C8orf34: variants seen among roughly 807,000 people sequenced by gnomAD.
The protein encoded by C8orf34 is uncharacterized protein C8orf34.
C8orf34 carries 65 observed loss-of-function variants against 68.3 expected under a neutral mutation model. The ratio of observed to expected loss-of-function variants is 0.95; its 90% confidence interval spans 0.78 to 1.17. C8orf34 has a LOEUF of 1.17. Ranked by LOEUF, C8orf34 falls within the 50% of genes most tolerant of loss-of-function variation. C8orf34 has a pLI of 0.00. For missense variants in C8orf34, 664 were observed against 655.4 expected, an observed-to-expected ratio of 1.01 and a Z score of -0.14; for synonymous variants, 244 against 241.2, an observed-to-expected ratio of 1.01 and a Z score of -0.11.
intron 7 of C8orf34, among the ~76,000 whole-genome samples, chr8:68,539,866 A>G (rs1563518392): frequency 1.3e-5 from 2 of 152,158 alleles, no homozygotes; most frequent in Non-Finnish European, 2.9e-5. Context: ...AAAAAAAAAA[A>G]TTATTGAAGT....
intron 10 of C8orf34, among the ~76,000 whole-genome samples, chr8:68,758,442 C>T (rs1021004455): frequency 2.0e-5 from 3 of 152,112 alleles, no homozygotes; most frequent in African/African-American, 4.8e-5. Context: ...AAGGTCAAGC[C>T]GTACTCCTTA....
At chr8:68,412,432 T>C (rs982971310) in intron 1 of C8orf34, among the ~76,000 whole-genome samples, 1 of 152,188 alleles carries the variant, frequency 6.6e-6, no homozygotes, top group African/African-American at 2.4e-5. Context: ...AGAGATATTT[T>C]AAAAATAGAC....
intron 12 of C8orf34, among the ~76,000 whole-genome samples, chr8:68,788,227 A>G (rs527602207): frequency 6.0e-4 from 92 of 152,320 alleles, no homozygotes; most frequent in African/African-American, 1.9e-3. Flanking sequence ...AGCCCTCATG[A>G]TAATTGGTGT....
chr8:68,558,881 A>G (rs1816336549), intron 7 of C8orf34, among the ~76,000 whole-genome samples: 1 of 152,176 alleles, frequency 6.6e-6, no homozygotes, highest in Non-Finnish European at 1.5e-5. Flanking sequence ...AAAAAACCGA[A>G]TACAAATCCA....
intron 7 of C8orf34, among the ~76,000 whole-genome samples, chr8:68,626,745 G>A (rs769711385): frequency 5.9e-5 from 9 of 152,128 alleles, no homozygotes; most frequent in Non-Finnish European, 8.8e-5. Context: ...GGCTGTAGAA[G>A]TGTAAAAATT....
intron 8 of C8orf34, among the ~76,000 whole-genome samples, chr8:68,689,082 C>T (rs970912468): frequency 2.0e-5 from 3 of 152,010 alleles, no homozygotes; most frequent in Non-Finnish European, 4.4e-5. Context: ...AATGGAATAA[C>T]GTCTTTTGCA....
intron 10 of C8orf34, among the ~76,000 whole-genome samples, chr8:68,745,871 T>G (rs1234408746): frequency 1.3e-5 from 2 of 152,156 alleles, no homozygotes; most frequent in Non-Finnish European, 2.9e-5. Flanking sequence ...AACTCAGGTC[T>G]GCACCAAGTG....
chr8:68,396,131 CA>C (rs1359253774), intron 1 of C8orf34, among the ~76,000 whole-genome samples: 1 of 151,846 alleles, frequency 6.6e-6, no homozygotes, highest in African/African-American at 2.4e-5. Context: ...ATTTTTTTCT[CA>C]ACCCCTGCAC....
In C8orf34 at chr8:68,815,893, T is replaced by G. The variant is rs1824797352; in HGVS notation, c.1557T>G (p.Ala519=). 1 of 1,613,752 alleles carries G rather than the reference T, an allele frequency of 6.2e-7. No homozygotes were observed. The highest frequency in any genetic ancestry group is 1.1e-5 in the South Asian group (1 of 91,082). The part of the protein sequence containing the change: ...GVEAEQEKRS[A]DLLLCVPCSS... ...GTTTCTTTTGTTGTGCAGGTTCCGC[T>G]GATCTTCTTCTTTGCGTTCCATGCT... is the stretch of plus-strand genomic sequence containing the variant. The change falls in exon 13 of 14, where the codon GCT becomes GCG. Residue 519 remains alanine (A), a synonymous_variant. Coordinates refer to ENST00000518698, the MANE Select transcript of C8orf34 (RefSeq NM_052958.4).
At chr8:68,421,584 C>T (rs1809973935) in intron 1 of C8orf34, among the ~76,000 whole-genome samples, 1 of 152,108 alleles carries the variant, frequency 6.6e-6, no homozygotes, top group Non-Finnish European at 1.5e-5. Context: ...ATCATAAAAA[C>T]CCTAGGCTAC....
At chr8:68,598,512 A>G (rs746373837) in intron 7 of C8orf34, among the ~76,000 whole-genome samples, 7 of 152,150 alleles carry the variant, frequency 4.6e-5, no homozygotes, top group Non-Finnish European at 7.4e-5. Flanking sequence ...GGAGACAGAA[A>G]TCTGGATCAT....
At chr8:68,496,335 T>C (rs1157150696) in intron 5 of C8orf34, among the ~76,000 whole-genome samples, 1 of 152,212 alleles carries the variant, frequency 6.6e-6, no homozygotes, top group Non-Finnish European at 1.5e-5. Context: ...AAAGCTCTCA[T>C]GATCTCCATT....
intron 11 of C8orf34, among the ~76,000 whole-genome samples, chr8:68,778,833 C>T (rs1287758558): frequency 6.6e-6 from 1 of 152,142 alleles, no homozygotes; most frequent in East Asian, 1.9e-4. Context: ...TCAATCAGTT[C>T]CAAATCTGGA....
At chr8:68,435,528 C>T (rs77689331) in intron 1 of C8orf34, among the ~76,000 whole-genome samples, 1 of 152,162 alleles carries the variant, frequency 6.6e-6, no homozygotes, top group Non-Finnish European at 1.5e-5. Context: ...CTTTGTGGAA[C>T]CCTCATAGCT....
At chr8:68,602,166 GA>G (rs1308354363) in intron 7 of C8orf34, among the ~76,000 whole-genome samples, 1 of 152,140 alleles carries the variant, frequency 6.6e-6, no homozygotes, top group East Asian at 1.9e-4. Context: ...CTAACACCGG[GA>G]GAGGGAAGGG....
At chr8:68,535,674 G>A (rs1447723272) in intron 7 of C8orf34, 1 of 725,164 alleles carries the variant, frequency 1.4e-6, no homozygotes, top group South Asian at 6.3e-5. Flanking sequence ...AAATGTTTTA[G>A]GCATATGAAA....
chr8:68,466,040 T>TA (rs55695871), intron 3 of C8orf34, among the ~76,000 whole-genome samples: 134,192 of 147,410 alleles, frequency 0.91, 61,269 homozygotes, highest in East Asian at 0.98. Flanking sequence ...TTTGGTCATT[T>TA]AAAAAAAAAA....
chr8:68,495,042 A>G (rs1176474315), intron 5 of C8orf34, among the ~76,000 whole-genome samples: 2 of 151,770 alleles, frequency 1.3e-5, no homozygotes, highest in Non-Finnish European at 2.9e-5. Flanking sequence ...AAGCAAAAGT[A>G]AACTTCAGTT....
intron 10 of C8orf34, among the ~76,000 whole-genome samples, chr8:68,741,953 A>T (rs1383583257): frequency 6.6e-6 from 1 of 152,196 alleles, no homozygotes; most frequent in Admixed American, 6.6e-5. Flanking sequence ...TGACATAACC[A>T]ATCTATCCAA....
Sources: gnomAD v4.1 joint callset for allele counts (sites outside exome capture counted in the v4.1 genomes callset) on GRCh38, gnomAD v4.1.1 for gene constraint, MANE v1.5 for transcripts, NCBI Gene and HGNC (gene_info 2026-07-23, HGNC 2026-07-21) for gene names.